The following ADGRL2 variants were observed in gnomAD, a reference collection of about 807,000 sequenced individuals.
The protein encoded by ADGRL2 is adhesion G protein-coupled receptor L2, also known as calcium-independent alpha-latrotoxin receptor 2.
A neutral mutation model predicts 157.4 loss-of-function variants in ADGRL2; 44 were observed. That is an observed-to-expected ratio of 0.28 (90% CI 0.22 to 0.36). The LOEUF is 0.36. Among genes scored for constraint, ADGRL2 ranks in the 10% least tolerant of loss-of-function variants. ADGRL2 has a pLI of 1.00. For missense variants in ADGRL2, 1,510 were observed against 1,768.9 expected, an observed-to-expected ratio of 0.85 and a Z score of 2.63; for synonymous variants, 585 against 624.7, an observed-to-expected ratio of 0.94 and a Z score of 0.95.
intron 2 of ADGRL2, among the ~76,000 whole-genome samples, chr1:81,858,196 C>T (rs996485332): frequency 6.6e-6 from 1 of 151,998 alleles, no homozygotes; most frequent in African/African-American, 2.4e-5. Flanking sequence ...GGGATAATAG[C>T]AGTGTTGGTT....
intron 3 of ADGRL2, among the ~76,000 whole-genome samples, chr1:81,673,296 C>T (rs937294408): frequency 2.6e-5 from 4 of 152,040 alleles, no homozygotes; most frequent in Non-Finnish European, 5.9e-5. Context: ...TCATTCATAC[C>T]TACCTTTTAA....
intron 6 of ADGRL2, among the ~76,000 whole-genome samples, chr1:81,945,444 T>G (rs535925063): frequency 2.0e-5 from 3 of 152,230 alleles, no homozygotes; most frequent in African/African-American, 7.2e-5. Flanking sequence ...GTTTTACAAA[T>G]TGCAAATTCA....
chr1:81,942,569 T>G (rs765989993), intron 5 of ADGRL2, among the ~76,000 whole-genome samples: 14 of 151,992 alleles, frequency 9.2e-5, no homozygotes, highest in Non-Finnish European at 2.1e-4. Context: ...TGGTTTTGCT[T>G]TTAGGGGCTC....
intron 2 of ADGRL2, among the ~76,000 whole-genome samples, chr1:81,776,646 T>G (rs966238032): frequency 6.6e-6 from 1 of 152,248 alleles, no homozygotes; most frequent in African/African-American, 2.4e-5. Flanking sequence ...TTGCTTTGAT[T>G]CTTTGTTAGT....
intron 1 of ADGRL2, among the ~76,000 whole-genome samples, chr1:81,323,143 C>G (rs1001412983): frequency 6.6e-6 from 1 of 152,118 alleles, no homozygotes; most frequent in Non-Finnish European, 1.5e-5. Flanking sequence ...CAGGTGTGAG[C>G]CACCGTGCCC....
intron 2 of ADGRL2, among the ~76,000 whole-genome samples, chr1:81,535,990 A>G (rs2079728036): frequency 6.6e-6 from 1 of 152,238 alleles, no homozygotes. Flanking sequence ...AAATAAAGTC[A>G]TATTTACACA....
intron 1 of ADGRL2, among the ~76,000 whole-genome samples, chr1:81,395,894 C>T (rs530712684): frequency 1.0e-3 from 157 of 152,206 alleles, no homozygotes; most frequent in Non-Finnish European, 1.5e-4. Flanking sequence ...TTGTTCTATT[C>T]GTCTGTGTGT....
chr1:81,674,112 G>C (rs756466741), intron 3 of ADGRL2, among the ~76,000 whole-genome samples: 1 of 152,128 alleles, frequency 6.6e-6, no homozygotes, highest in Non-Finnish European at 1.5e-5. Context: ...TAATGAATCT[G>C]TCTTTAATAT....
chr1:81,377,413 TATTATC>T (rs1472639577), intron 1 of ADGRL2, among the ~76,000 whole-genome samples: 1 of 152,146 alleles, frequency 6.6e-6, no homozygotes, highest in East Asian at 1.9e-4. Context: ...ATCCTTTAGT[TATTATC>T]AGTATCAAAA....
chr1:81,883,049 T>G (rs1235243074), intron 2 of ADGRL2, among the ~76,000 whole-genome samples: 1 of 152,176 alleles, frequency 6.6e-6, no homozygotes, highest in South Asian at 2.1e-4. Flanking sequence ...TTTACTCTTA[T>G]TTAGAATGCA....
chr1:81,966,573 G>T lies in ADGRL2; in HGVS notation c.2313G>T (p.Leu771=), dbSNP rs763936341. The T allele has an allele frequency of 1.2e-6, 2 of 1,614,052 alleles. No homozygotes were observed. The highest frequency in any genetic ancestry group is 1.6e-4 in the Middle Eastern group (1 of 6,062). The change falls in exon 13 of 24, where the codon CTG becomes CTT. Residue 771 remains leucine, a synonymous_variant. Coordinates refer to ENST00000686636, the MANE Select transcript of ADGRL2 (RefSeq NM_001366006.2). ...ATAAAGAGTCCAGCCGAGTATACCT[G>T]ACTGATCCTGTGCTTTTTACCCTGC... is the stretch of plus-strand genomic sequence containing the variant. ...SINKESSRVY[L]TDPVLFTLPH...
chr1:81,841,752 G>T (rs2092589913), intron 2 of ADGRL2, among the ~76,000 whole-genome samples: 1 of 152,150 alleles, frequency 6.6e-6, no homozygotes. Context: ...GTTGTTCACT[G>T]ATGTCTTCAA....
chr1:81,781,585 C>T (rs1390530696), intron 2 of ADGRL2, among the ~76,000 whole-genome samples: 1 of 152,190 alleles, frequency 6.6e-6, no homozygotes, highest in Non-Finnish European at 1.5e-5. Context: ...CTTGTTATCA[C>T]AGGACTGATA....
At chr1:81,602,840 G>C (rs2148639698) in intron 3 of ADGRL2, among the ~76,000 whole-genome samples, 1 of 150,256 alleles carries the variant, frequency 6.7e-6, no homozygotes, top group African/African-American at 2.4e-5. Flanking sequence ...AGAGGTTGCA[G>C]TGAGCCGAGA....
intron 1 of ADGRL2, among the ~76,000 whole-genome samples, chr1:81,377,388 A>C (rs2101026252): frequency 6.6e-6 from 1 of 152,286 alleles, no homozygotes; most frequent in East Asian, 1.9e-4. Flanking sequence ...TATCATGATC[A>C]TTATTACCCT....
chr1:81,872,934 C>G (rs2093737507), intron 2 of ADGRL2, among the ~76,000 whole-genome samples: 1 of 151,946 alleles, frequency 6.6e-6, no homozygotes, highest in South Asian at 2.1e-4. Context: ...TTCTTACTGG[C>G]TTATTTTTTT....
intron 3 of ADGRL2, among the ~76,000 whole-genome samples, chr1:81,665,891 A>G (rs573372420): frequency 2.0e-4 from 30 of 152,242 alleles, no homozygotes; most frequent in East Asian, 1.9e-3. Context: ...CACATGCTGC[A>G]TAATAACTGC....
intron 2 of ADGRL2, among the ~76,000 whole-genome samples, chr1:81,546,954 T>G (rs1157809724): frequency 1.3e-5 from 2 of 152,206 alleles, no homozygotes; most frequent in Non-Finnish European, 2.9e-5. Context: ...TCATGTTTTG[T>G]TCACTCAATT....
intron 1 of ADGRL2, among the ~76,000 whole-genome samples, chr1:81,344,249 T>C (rs962390704): frequency 2.0e-5 from 3 of 152,156 alleles, no homozygotes; most frequent in African/African-American, 7.2e-5. Flanking sequence ...TGTTCTATGA[T>C]AGCACATTTG....
Sources: allele counts gnomAD v4.1 joint callset (sites outside exome capture counted in the v4.1 genomes callset), GRCh38; gene constraint gnomAD v4.1.1; transcripts MANE v1.5; gene names NCBI Gene and HGNC (gene_info 2026-07-23, HGNC 2026-07-21).